Variants in ZNF215 observed in about 807,000 individuals in gnomAD.
ZNF215 encodes BWSCR2-associated zinc finger protein 2.
ZNF215 carries 24 observed loss-of-function variants against 27.2 expected under a neutral mutation model. That is an observed-to-expected ratio of 0.88 (90% CI 0.64 to 1.24). The LOEUF is 1.24. Ranked by LOEUF, ZNF215 falls within the 50% of genes most tolerant of loss-of-function variation. The pLI, the probability that ZNF215 is intolerant of heterozygous loss-of-function variation, is 0.00. For synonymous variants in ZNF215, 210 were observed against 204.0 expected, an observed-to-expected ratio of 1.03 and a Z score of -0.25; for missense variants, 675 against 605.7, an observed-to-expected ratio of 1.11 and a Z score of -1.20.
At position 6,941,453 on chromosome 11, in the gene ZNF215, A is replaced by AT. The variant is rs1849628309; in HGVS notation, c.401-111dup. Reference sequence around the variant, plus strand: ...GTGATTGCTGGCAGGGCCTGACATTATTTTTTTCAAAGTTCTATGGATAAT... The same window carrying AT: ...GTGATTGCTGGCAGGGCCTGACATTATTTTTTTTCAAAGTTCTATGGATAAT... On this transcript the variant is annotated intron_variant, in intron 3 of 6. Coordinates refer to ENST00000278319, the MANE Select transcript of ZNF215 (RefSeq NM_013250.4). The AT allele has an allele frequency of 5.7e-5, 47 of 823,794 alleles. No individual in the cohort carries two copies. The South Asian group carries it at 9.0e-4, about 16-fold the overall frequency. The allele number at this position is 823,794 out of a possible 1,614,324, so 51.0% of individuals were successfully genotyped here. A position where few individuals can be genotyped will look rare whatever the true frequency, so the allele number is the denominator to read the frequency against.
chr11:6,942,287 A>G (rs1200512716), intron 4 of ZNF215, among the ~76,000 whole-genome samples: 1 of 152,190 alleles, frequency 6.6e-6, no homozygotes, highest in Non-Finnish European at 1.5e-5. Flanking sequence ...TGAAGGTGCC[A>G]ATAAAGACAA....
downstream of ZNF215, among the ~76,000 whole-genome samples, chr11:6,985,626 CT>C (rs570416634): frequency 1.5e-3 from 224 of 152,248 alleles, 1 homozygote; most frequent in African/African-American, 5.0e-3. Context: ...TGATTCTATA[CT>C]TAGAAAACAC....
At chr11:6,966,668 T>C (rs1405071124) in intron 5 of ZNF215, among the ~76,000 whole-genome samples, 1 of 152,124 alleles carries the variant, frequency 6.6e-6, no homozygotes, top group Admixed American at 6.6e-5. Context: ...TTAGTCTGGC[T>C]ACTGGTTTAT....
downstream of ZNF215, among the ~76,000 whole-genome samples, chr11:6,986,148 C>T (rs1046028528): frequency 2.0e-5 from 3 of 151,976 alleles, no homozygotes; most frequent in African/African-American, 7.2e-5. Flanking sequence ...GCTACAGTAA[C>T]CAAAATAGCA....
chr11:6,932,328 G>A lies in ZNF215; in HGVS notation c.56G>A (p.Arg19His), dbSNP rs190965831. The change falls in exon 3 of 7, where the codon CGT becomes CAT. Residue 19 changes from arginine (R) to histidine (H), a missense_variant. Transcript: ENST00000278319. ...AISKPRNLSLREQREVLRADM... is the reference protein window; with the variant it reads ...AISKPRNLSLHEQREVLRADM... The stretch of plus-strand genomic sequence containing the variant: ...TCAAAACCTCGAAACCTGTCTCTAC[G>A]TGAACAAAGAGAGGTTCTGAGAGCA... 2.2e-5 allele frequency: 35 copies of A among 1,614,136 alleles called. No homozygotes were observed. The Admixed American group carries it at 3.8e-4, about 18-fold the overall frequency.
In ZNF215 at chr11:6,932,366, C is replaced by G. The variant is rs200790090; in HGVS notation, c.94C>G (p.Gln32Glu). The G allele has an allele frequency of 6.2e-7, 1 of 1,614,146 alleles. No individual in the cohort carries two copies. The highest frequency in any genetic ancestry group is 8.5e-7 in the Non-Finnish European group (1 of 1,180,034). ...REVLRADMSWQQETNPVVETH... is the reference protein window; with the variant it reads ...REVLRADMSWEQETNPVVETH... ...GGTTCTGAGAGCAGATATGTCTTGG[C>G]AGCAGGAAACCAACCCCGTCGTGGA... Residue 32 changes from glutamine to glutamate, a missense_variant, in exon 3 of 7, where the codon CAG (glutamine) becomes GAG (glutamate). Gln to Glu is a conservative substitution (Grantham distance 29, BLOSUM62 2). Coordinates refer to ENST00000278319, the MANE Select transcript of ZNF215 (RefSeq NM_013250.4).
At chr11:6,987,981 T>C (rs1190199746), downstream of ZNF215, among the ~76,000 whole-genome samples, 1 of 152,182 alleles carries the variant, frequency 6.6e-6, no homozygotes, top group African/African-American at 2.4e-5. Context: ...CAGCTCCAGA[T>C]TAATCACTTT....
chr11:6,956,342 C>G lies in ZNF215; in HGVS notation c.1365C>G (p.Leu455=), dbSNP rs760689194. 5.0e-6 allele frequency: 8 copies of G among 1,614,000 alleles called. No homozygotes were observed. Among genetic ancestry groups the G allele is most frequent in the Middle Eastern group, 3.3e-4 (2 of 6,084 alleles). Residue 455 remains leucine, a synonymous_variant, in exon 7 of 7, where the codon CTC becomes CTG. Coordinates refer to ENST00000278319, the MANE Select transcript of ZNF215 (RefSeq NM_013250.4). The stretch of plus-strand genomic sequence containing the variant: ...GTGAAGACAGTAATAATCCAACACT[C>G]CATTTTGGAAACAATTTCTATCAAT... The part of the protein sequence containing the change: ...SKSEDSNNPT[L]HFGNNFYQCV...
intron 5 of ZNF215, among the ~76,000 whole-genome samples, chr11:6,965,198 A>G (rs1282644267): frequency 1.3e-5 from 2 of 152,130 alleles, no homozygotes; most frequent in Non-Finnish European, 2.9e-5. Flanking sequence ...GTAAAGGCAT[A>G]TTGAACACGG....
At chr11:6,992,591 C>G (rs147568411), downstream of ZNF215, among the ~76,000 whole-genome samples, 5 of 152,218 alleles carry the variant, frequency 3.3e-5, no homozygotes, top group Non-Finnish European at 5.9e-5. Context: ...ACTGACAGAT[C>G]GTGCTGTGCC....
downstream of ZNF215, among the ~76,000 whole-genome samples, chr11:6,958,975 G>A (rs1270492256): frequency 6.6e-6 from 1 of 152,140 alleles, no homozygotes; most frequent in Non-Finnish European, 1.5e-5. Flanking sequence ...GGGTCGGTCT[G>A]CCTTTCCCAG....
At chr11:6,942,970 C>G in intron 4 of ZNF215, 113 bp from the exon 5 acceptor site, 1 of 1,438,392 alleles carries the variant, frequency 7.0e-7, no homozygotes, top group Non-Finnish European at 9.4e-7. Flanking sequence ...CAGACATTGT[C>G]CTATCAATTT....
chr11:6,985,256 A>G (rs1199586668), downstream of ZNF215, among the ~76,000 whole-genome samples: 1 of 152,270 alleles, frequency 6.6e-6, no homozygotes, highest in African/African-American at 2.4e-5. Context: ...ATGCAAGTCA[A>G]TAAATGTGAT....
In ZNF215 at chr11:6,956,631, A is replaced by G. The variant is rs914778760; in HGVS notation, c.*100A>G. 7.0e-7 allele frequency: 1 copy of G among 1,425,246 alleles called. No homozygotes were observed. Among genetic ancestry groups the G allele is most frequent in the African/African-American group, 1.4e-5 (1 of 70,016 alleles). 88.3% of individuals were successfully genotyped at this position (1,425,246 alleles called of 1,614,324 possible). ...AATCTCATGAATATAATGTAAGAAA[A>G]CATTTGTCAGATTTTTCTTTAAATG... On this transcript the variant is annotated 3_prime_UTR_variant, in exon 7 of 7. Coordinates refer to ENST00000278319, the MANE Select transcript of ZNF215 (RefSeq NM_013250.4).
At chr11:6,934,092 G>A (rs1849358115) in intron 3 of ZNF215, among the ~76,000 whole-genome samples, 6 of 152,086 alleles carry the variant, frequency 3.9e-5, no homozygotes, top group Admixed American at 3.9e-4. Flanking sequence ...TTGGTATTGT[G>A]GTTATATTTA....
chr11:6,932,707 G>T, intron 3 of ZNF215, 35 bp downstream of exon 3: 1 of 1,550,134 alleles, frequency 6.5e-7, no homozygotes, highest in South Asian at 1.2e-5. Context: ...TAAAATACTT[G>T]ACCTTTCCCA....
intron 5 of ZNF215, among the ~76,000 whole-genome samples, chr11:6,975,324 G>A (rs1241753667): frequency 6.6e-6 from 1 of 151,954 alleles, no homozygotes; most frequent in Admixed American, 6.6e-5. Context: ...GGCATGCAAT[G>A]TAAAATCACA....
intron 3 of ZNF215, among the ~76,000 whole-genome samples, chr11:6,940,998 G>A (rs1246483356): frequency 6.6e-6 from 1 of 152,124 alleles, no homozygotes; most frequent in Non-Finnish European, 1.5e-5. Flanking sequence ...CTTCCAGAGT[G>A]GCCCTTGGAT....
At chr11:6,927,476 G>T (rs2133125058) in intron 1 of ZNF215, among the ~76,000 whole-genome samples, 186 bp from the exon 2 acceptor site, 1 of 152,186 alleles carries the variant, frequency 6.6e-6, no homozygotes, top group African/African-American at 2.4e-5. Flanking sequence ...AGTTCCTTGC[G>T]GCCATAAAAC....
Sources: allele counts gnomAD v4.1 joint callset (sites outside exome capture counted in the v4.1 genomes callset), GRCh38; gene constraint gnomAD v4.1.1; transcripts MANE v1.5; gene names NCBI Gene and HGNC (gene_info 2026-07-23, HGNC 2026-07-21).